PTPRR: variants seen among roughly 807,000 people sequenced by gnomAD.
PTPRR encodes the protein protein tyrosine phosphatase receptor type R.
Under a neutral mutation model 77.2 loss-of-function variants are expected in PTPRR, and 38 were observed. The ratio of observed to expected loss-of-function variants is 0.49; its 90% CI spans 0.38 to 0.65. The LOEUF is 0.65. PTPRR is among the 30% of genes least tolerant of loss of function. PTPRR has a pLI of 0.00. For synonymous variants in PTPRR, 299 were observed against 283.1 expected (o/e 1.06, Z -0.57); for missense variants, 744 against 799.2 (o/e 0.93, Z 0.83).
chr12:70,816,551 G>A (rs186290351), intron 2 of PTPRR, among the ~76,000 whole-genome samples: 1 of 151,442 alleles, frequency 6.6e-6, no homozygotes, highest in African/African-American at 2.4e-5. Context: ...TTTATTTTTG[G>A]TAAGTTTTAT....
intron 8 of PTPRR, among the ~76,000 whole-genome samples, chr12:70,695,169 A>C (rs1210009904): frequency 1.3e-5 from 2 of 152,194 alleles, no homozygotes; most frequent in African/African-American, 4.8e-5. Context: ...GAATTGTATA[A>C]TGTTGCTATT....
At chr12:70,795,913 A>ATTTT (rs71437157) in intron 2 of PTPRR, among the ~76,000 whole-genome samples, 2,254 of 88,328 alleles carry the variant, frequency 0.026, 764 homozygotes, top group Middle Eastern at 0.16. Context: ...TATTTAGTAG[A>ATTTT]TTTTTTTTTT....
intron 2 of PTPRR, among the ~76,000 whole-genome samples, chr12:70,775,708 A>G (rs1891072830): frequency 6.6e-6 from 1 of 152,134 alleles, no homozygotes; most frequent in Non-Finnish European, 1.5e-5. Flanking sequence ...AACAGCCACA[A>G]AAGGACCAAA....
At chr12:70,640,034 C>T (rs1885939239) in intron 13 of PTPRR, among the ~76,000 whole-genome samples, 1 of 152,184 alleles carries the variant, frequency 6.6e-6, no homozygotes. Flanking sequence ...TCACCATTAT[C>T]ATCACTAGCT....
intron 2 of PTPRR, among the ~76,000 whole-genome samples, chr12:70,810,277 A>G (rs545401838): frequency 6.6e-6 from 1 of 152,326 alleles, no homozygotes; most frequent in African/African-American, 2.4e-5. Flanking sequence ...TTCAAAGCAC[A>G]TACAGTCCCT....
At chr12:70,880,568 G>A (rs1227572596) in intron 2 of PTPRR, among the ~76,000 whole-genome samples, 2 of 151,830 alleles carry the variant, frequency 1.3e-5, no homozygotes, top group Non-Finnish European at 2.9e-5. Context: ...TACTTGTTTT[G>A]TTGTCTTTCT....
intron 5 of PTPRR, 150 bp from the exon 6 acceptor site, chr12:70,746,236 T>G: frequency 1.3e-6 from 1 of 764,478 alleles, no homozygotes; most frequent in African/African-American, 1.8e-5. Flanking sequence ...CTCAGTTTCA[T>G]GGTATTGAGA....
At chr12:70,668,436 A>G (rs1484693137) in intron 10 of PTPRR, among the ~76,000 whole-genome samples, 1 of 152,210 alleles carries the variant, frequency 6.6e-6, no homozygotes, top group East Asian at 1.9e-4. Context: ...CTCCATAAAC[A>G]GTTGTTCTTC....
At chr12:70,706,723 G>T (rs1433146424) in intron 6 of PTPRR, among the ~76,000 whole-genome samples, 2 of 152,016 alleles carry the variant, frequency 1.3e-5, no homozygotes, top group African/African-American at 2.4e-5. Context: ...TCATTTAAAA[G>T]AACCAGATAC....
At chr12:70,690,548 C>T (rs1227729798) in intron 8 of PTPRR, among the ~76,000 whole-genome samples, 4 of 152,176 alleles carry the variant, frequency 2.6e-5, no homozygotes, top group Non-Finnish European at 5.9e-5. Flanking sequence ...CATTAGAATG[C>T]ACGCAGTGAT....
intron 2 of PTPRR, among the ~76,000 whole-genome samples, chr12:70,765,976 A>G (rs1890811595): frequency 1.3e-5 from 2 of 152,336 alleles, no homozygotes; most frequent in Admixed American, 6.5e-5. Flanking sequence ...AGGAAAACTA[A>G]CAAACAGAAA....
chr12:70,904,066 C>G (rs143128385), intron 1 of PTPRR, among the ~76,000 whole-genome samples: 1 of 151,834 alleles, frequency 6.6e-6, no homozygotes, highest in African/African-American at 2.4e-5. Flanking sequence ...ACTAATAATA[C>G]TGGAGAGGAT....
rs149099277 is a variant in PTPRR at position 70,686,231 on chromosome 12, C to T, written c.1280-1448G>A. Reference sequence around the variant, plus strand: ...TAAACACAATCTCTTACGTTCCCCACGAAAACTGAGACAAAGAGGAGGTGA... The same window carrying T: ...TAAACACAATCTCTTACGTTCCCCATGAAAACTGAGACAAAGAGGAGGTGA... On this transcript the variant is annotated intron_variant, in intron 8 of 13. Transcript: ENST00000283228. Among the ~76,000 whole-genome samples the T allele has an allele frequency of 9.2e-5, 14 of 152,056 alleles. No individual in the cohort carries two copies. In the East Asian group the frequency reaches 1.2e-3, roughly 13 times the overall value.
chr12:70,836,514 AAAACCTTAAC>A (rs1892307524), intron 2 of PTPRR, among the ~76,000 whole-genome samples: 1 of 152,050 alleles, frequency 6.6e-6, no homozygotes, highest in Non-Finnish European at 1.5e-5. Context: ...ACTAAAGTCC[AAAACCTTAAC>A]ATGATCAACC....
rs758589332 is a variant in PTPRR, at chr12:70,656,832, AAAG to A, written c.1767-18_1767-16del. 2.0e-6 allele frequency: 3 copies of A among 1,536,512 alleles called. No homozygotes were observed. The South Asian group carries it at 3.4e-5, about 18-fold the overall frequency. The stretch of plus-strand genomic sequence containing the variant: ...CTATTCCTGCACTGAAAAGAAAAGA[AAAG>A]AAATTTAAAAAGTGGGGGAAAATGA... On this transcript the variant is annotated splice_polypyrimidine_tract_variant and intron_variant, in intron 12 of 13. Transcript: ENST00000283228.
At chr12:70,878,177 G>T (rs1400225668) in intron 2 of PTPRR, among the ~76,000 whole-genome samples, 1 of 152,124 alleles carries the variant, frequency 6.6e-6, no homozygotes, top group Non-Finnish European at 1.5e-5. Flanking sequence ...TACCATTCAC[G>T]ACATAGGCAT....
chr12:70,815,024 AT>A (rs1164184838), intron 2 of PTPRR, among the ~76,000 whole-genome samples: 1 of 151,960 alleles, frequency 6.6e-6, no homozygotes, highest in Non-Finnish European at 1.5e-5. Flanking sequence ...CAGAAATGAT[AT>A]AGATGATAGA....
At chr12:70,757,986 C>T (rs1159397478) in intron 4 of PTPRR, among the ~76,000 whole-genome samples, 2 of 152,192 alleles carry the variant, frequency 1.3e-5, no homozygotes, top group Non-Finnish European at 2.9e-5. Context: ...CCAAGCACCT[C>T]CCCACTGGGG....
At chr12:70,857,316 G>A (rs1892670326) in intron 2 of PTPRR, among the ~76,000 whole-genome samples, 1 of 152,140 alleles carries the variant, frequency 6.6e-6, no homozygotes, top group Non-Finnish European at 1.5e-5. Context: ...GGAGTCAACA[G>A]TGTCAAAATC....
Sources: allele counts gnomAD v4.1 joint callset (sites outside exome capture counted in the v4.1 genomes callset), GRCh38; gene constraint gnomAD v4.1.1; transcripts MANE v1.5; gene names NCBI Gene and HGNC (gene_info 2026-07-23, HGNC 2026-07-21).